The following RNF180 variants were observed in gnomAD, a reference collection of about 807,000 sequenced individuals.
RNF180 encodes the protein ring finger protein 180.
A neutral mutation model predicts 59.2 loss-of-function variants in RNF180; 38 were observed. The ratio of observed to expected loss-of-function variants is 0.64; its 90% CI spans 0.50 to 0.84. RNF180 has a LOEUF of 0.84. Ranked by LOEUF, RNF180 falls within the 40% of genes least tolerant of loss-of-function variation. The pLI is 0.00. For synonymous variants in RNF180, 262 were observed against 240.3 expected (o/e 1.09, Z -0.84); for missense variants, 705 against 700.9 (o/e 1.01, Z -0.07).
intron 5 of RNF180, among the ~76,000 whole-genome samples, chr5:64,298,270 C>A (rs1443771196): frequency 1.3e-5 from 2 of 151,876 alleles, no homozygotes; most frequent in Admixed American, 6.6e-5. Context: ...TCATTTAGAT[C>A]AAGTCCATGT....
chr5:64,330,250 C>A, intron 6 of RNF180, 31 bp from the exon 7 acceptor site: 1 of 1,368,066 alleles, frequency 7.3e-7, no homozygotes, highest in South Asian at 1.3e-5. Context: ...AAATTAATTT[C>A]AAAATCCTAT....
intron 5 of RNF180, among the ~76,000 whole-genome samples, chr5:64,256,488 G>C (rs1038786198): frequency 7.2e-5 from 11 of 152,132 alleles, no homozygotes; most frequent in African/African-American, 2.7e-4. Context: ...TTTCTGTCAG[G>C]TTTGTCAAAG....
rs569927653 is a variant in RNF180 at position 64,252,299 on chromosome 5, G to A, written c.1227+34903G>A. Among the ~76,000 whole-genome samples the A allele has an allele frequency of 1.1e-4, 16 of 152,234 alleles. No homozygotes were observed. In the East Asian group the frequency reaches 2.9e-3, roughly 28 times the overall value. The stretch of plus-strand genomic sequence containing the variant: ...AGGGAAAGGCCAGTTAGGGGAGGGG[G>A]AAGTTGAGGAGATATTGGTCAAAGG... On this transcript the variant is annotated intron_variant, in intron 5 of 7. Transcript: ENST00000389100.
chr5:64,256,858 T>C (rs921786848), intron 5 of RNF180, among the ~76,000 whole-genome samples: 6 of 152,256 alleles, frequency 3.9e-5, no homozygotes, highest in African/African-American at 1.4e-4. Context: ...TCCATTTGTT[T>C]GTGTCCTCTT....
rs1313233163 is a variant in RNF180, at chr5:64,369,658, A to G, written c.1623A>G (p.Pro541=). The G allele has an allele frequency of 6.5e-6, 10 of 1,537,580 alleles. No individual in the cohort carries two copies. The highest frequency in any genetic ancestry group is 1.4e-5 in the African/African-American group (1 of 72,362). The change falls in exon 8 of 8, where the codon CCA becomes CCG. Residue 541 remains proline, a synonymous_variant. Transcript: ENST00000389100. ...HAAPVTRRQF[P]HGAHRMDYLH... ...CTCCAGTTACAAGAAGGCAGTTCCC[A>G]CACGGTGCACACAGGATGGATTACC... is the stretch of plus-strand genomic sequence containing the variant.
At position 64,322,771 on chromosome 5, in the gene RNF180, A is replaced by G. The variant is rs564131821; in HGVS notation, c.1228-2415A>G. The stretch of plus-strand genomic sequence containing the variant: ...AACCAAACATTGTATGTTCTCACTC[A>G]TAAGTGGGAGCTTAAGCTATGAGGA... On this transcript the variant is annotated intron_variant, in intron 5 of 7. Transcript: ENST00000389100. Among the ~76,000 whole-genome samples, 7 of 152,258 alleles carry G rather than the reference A, an allele frequency of 4.6e-5. No homozygotes were observed. The East Asian group carries it at 1.4e-3, about 29-fold the overall frequency.
Position 64,361,711 on chromosome 5 carries a change from T to C in RNF180, c.1580-7904T>C, listed in dbSNP as rs1277947251. Among the ~76,000 whole-genome samples, 3 of 151,584 alleles carry C rather than the reference T, an allele frequency of 2.0e-5. No homozygotes were observed. The Admixed American group carries it at 2.0e-4, about 10-fold the overall frequency. ...TAATACCAAAATAATTAACAGCTTA[T>C]CACAAAGAATAAGTTATGATTATGC... On this transcript the variant is annotated intron_variant, in intron 7 of 7. Coordinates refer to ENST00000389100, the MANE Select transcript of RNF180 (RefSeq NM_001113561.2).
At chr5:64,335,554 C>T (rs1311265864) in intron 7 of RNF180, among the ~76,000 whole-genome samples, 1 of 151,790 alleles carries the variant, frequency 6.6e-6, no homozygotes, top group Non-Finnish European at 1.5e-5. Flanking sequence ...GTATCATTTC[C>T]TCACTGATCT....
rs887365753 is a variant in RNF180, at chr5:64,244,343, GA to G, written c.1227+26954del. Among the ~76,000 whole-genome samples, 5 of 151,540 alleles carry G rather than the reference GA, an allele frequency of 3.3e-5. No individual in the cohort carries two copies. The South Asian group carries it at 1.0e-3, about 32-fold the overall frequency. Reference sequence around the variant, plus strand: ...CCAACGCAAGGAAGCTAAGAACCTTGAAAAAAAGAGAAATTGCTAACTAGAA... The same window carrying G: ...CCAACGCAAGGAAGCTAAGAACCTTGAAAAAAGAGAAATTGCTAACTAGAA... On this transcript the variant is annotated intron_variant, in intron 5 of 7. Coordinates refer to ENST00000389100, the MANE Select transcript of RNF180 (RefSeq NM_001113561.2).
intron 1 of RNF180, among the ~76,000 whole-genome samples, chr5:64,180,380 C>G (rs1750505667): frequency 6.6e-6 from 1 of 152,056 alleles, no homozygotes; most frequent in Non-Finnish European, 1.5e-5. Flanking sequence ...GTAAACATGC[C>G]ATACAATTGC....
chr5:64,176,231 C>T (rs968865707), intron 1 of RNF180, among the ~76,000 whole-genome samples: 3 of 151,984 alleles, frequency 2.0e-5, no homozygotes, highest in Admixed American at 2.0e-4. Context: ...AGGAATTTGT[C>T]AGTTTGTTTT....
At chr5:64,238,899 A>C (rs1185598958) in intron 5 of RNF180, among the ~76,000 whole-genome samples, 1 of 152,162 alleles carries the variant, frequency 6.6e-6, no homozygotes, top group Non-Finnish European at 1.5e-5. Flanking sequence ...TATTCATGAA[A>C]TCATTCCTAA....
chr5:64,362,105 G>C (rs900704826), intron 7 of RNF180, among the ~76,000 whole-genome samples: 1 of 150,976 alleles, frequency 6.6e-6, no homozygotes, highest in East Asian at 2.0e-4. Context: ...TTAACTTTTA[G>C]GTTCATGGGT....
At chr5:64,200,362 A>G (rs998332390) in intron 1 of RNF180, among the ~76,000 whole-genome samples, 2 of 152,120 alleles carry the variant, frequency 1.3e-5, no homozygotes, top group Non-Finnish European at 2.9e-5. Flanking sequence ...GACTGAGGCA[A>G]GAGGATTGCT....
intron 7 of RNF180, among the ~76,000 whole-genome samples, chr5:64,339,268 ATTTAT>A (rs1269063347): frequency 6.6e-6 from 1 of 151,404 alleles, no homozygotes; most frequent in Non-Finnish European, 1.5e-5. Flanking sequence ...CTGTCTTTGG[ATTTAT>A]TTTGTTATTT....
chr5:64,212,191 A>G, intron 3 of RNF180, 31 bp downstream of exon 3: 1 of 1,239,320 alleles, frequency 8.1e-7, no homozygotes. Context: ...TAAAATTAAG[A>G]ATATACAACC....
intron 5 of RNF180, among the ~76,000 whole-genome samples, chr5:64,233,516 A>G (rs1220660932): frequency 6.6e-6 from 1 of 152,236 alleles, no homozygotes; most frequent in African/African-American, 2.4e-5. Flanking sequence ...CTTATGGACT[A>G]TATACGTACA....
intron 5 of RNF180, among the ~76,000 whole-genome samples, chr5:64,228,582 A>C (rs1741915565): frequency 6.6e-6 from 1 of 152,152 alleles, no homozygotes; most frequent in African/African-American, 2.4e-5. Context: ...TGTAATCTGG[A>C]ATGCTATTAA....
At chr5:64,202,956 A>G (rs1561186020) in intron 2 of RNF180, among the ~76,000 whole-genome samples, 2 of 152,140 alleles carry the variant, frequency 1.3e-5, no homozygotes, top group African/African-American at 4.8e-5. Flanking sequence ...AGTGCTCATA[A>G]CCTCCACACT....
Sources: gnomAD v4.1 joint callset for allele counts (sites outside exome capture counted in the v4.1 genomes callset) on GRCh38, gnomAD v4.1.1 for gene constraint, MANE v1.5 for transcripts, NCBI Gene and HGNC (gene_info 2026-07-23, HGNC 2026-07-21) for gene names.